PSG9: variants seen among roughly 807,000 people sequenced by gnomAD.
PSG9 encodes pregnancy specific beta-1-glycoprotein 9.
PSG9 carries 49 observed loss-of-function variants against 41.9 expected under a neutral mutation model. That is an observed-to-expected ratio of 1.17 (90% confidence interval 0.93 to 1.48). The LOEUF (loss-of-function observed/expected upper bound fraction) is 1.48, where lower values mean the gene tolerates loss of function less well. Ranked by LOEUF, PSG9 falls within the 40% of genes most tolerant of loss-of-function variation. The probability of loss-of-function intolerance (pLI) is 0.00; values close to 1 mark genes in which losing one functional copy is unlikely to be tolerated. For missense variants in PSG9, 641 were observed against 520.3 expected (o/e 1.23, Z -2.26); for synonymous variants, 263 against 196.8 (o/e 1.34, Z -2.82).
chr19:43,265,511 G>C (rs574379124), intron 2 of PSG9, among the ~76,000 whole-genome samples: 9 of 151,952 alleles, frequency 5.9e-5, no homozygotes, highest in African/African-American at 4.8e-5. Context: ...TTTCCCTCCG[G>C]CCGCATGATT....
intron 5 of PSG9, among the ~76,000 whole-genome samples, chr19:43,255,751 T>C (rs1968423501): frequency 6.8e-6 from 1 of 146,836 alleles, no homozygotes; most frequent in Admixed American, 6.8e-5. Flanking sequence ...AATTTCAATT[T>C]ATATTAACAT....
rs1599815361 is a variant in PSG9 at position 43,256,194 on chromosome 19, A to G, written c.1243+2008T>C. On this transcript the variant is annotated intron_variant, in intron 5 of 5. Transcript: ENST00000270077. The stretch of plus-strand genomic sequence containing the variant: ...TTGGAACCTTTACCTAACACCATGT[A>G]CAAAAATTAACCCACAATAGATCAA... 1.4e-5 allele frequency among the ~76,000 whole-genome samples: 2 copies of G among 146,698 alleles called. 1 individual carries two copies. Among genetic ancestry groups the G allele is most frequent in the Admixed American group, 1.4e-4 (2 of 14,754 alleles).
intron 1 of PSG9, among the ~76,000 whole-genome samples, chr19:43,268,744 T>G (rs1308180337): frequency 6.6e-6 from 1 of 152,178 alleles, no homozygotes; most frequent in Non-Finnish European, 1.5e-5. Flanking sequence ...CTGGGTGTTT[T>G]TTTTTCCCCC....
chr19:43,263,771 G>A (rs973751869), intron 2 of PSG9, among the ~76,000 whole-genome samples: 3 of 152,074 alleles, frequency 2.0e-5, no homozygotes, highest in African/African-American at 7.2e-5. Flanking sequence ...AGATGCCAAA[G>A]GTGATTGGAA....
In PSG9 at chr19:43,257,530, C is replaced by T. The variant is rs549010907; in HGVS notation, c.1243+672G>A. Reference sequence around the variant, plus strand: ...ACAGCTGGTGACTTCAGAGCCAGGACGCAGCTCAGGAGTCTGCCCTGAGGC... The same window carrying T: ...ACAGCTGGTGACTTCAGAGCCAGGATGCAGCTCAGGAGTCTGCCCTGAGGC... On this transcript the variant is annotated intron_variant, in intron 5 of 5. Transcript: ENST00000270077. 2.8e-5 allele frequency: 27 copies of T among 978,648 alleles called. 6 individuals are homozygous for T. The East Asian group carries it at 9.5e-4, about 34-fold the overall frequency. The allele number at this position is 978,648 out of a possible 1,614,324, so 60.6% of individuals were successfully genotyped here.
intron 3 of PSG9, chr19:43,260,671 T>G (rs1416251085): frequency 2.6e-5 from 4 of 151,046 alleles, no homozygotes; most frequent in Non-Finnish European, 5.9e-5. Flanking sequence ...TCAGTGTTTG[T>G]GTTGTGGCAG....
At position 43,258,356 on chromosome 19, in the gene PSG9, C is replaced by A; in HGVS notation, c.1089G>T (p.Glu363Asp). 6.3e-7 allele frequency: 1 copy of A among 1,593,020 alleles called. No homozygotes were observed. ...SCFTESNPPA[E>D]YFWTINGKFQ... Reference sequence around the variant, plus strand: ...ACTTCCCATTAATTGTCCAAAAATACTCTGCCGGTGGGTTAGATTCCGTGA... The same window carrying A: ...ACTTCCCATTAATTGTCCAAAAATAATCTGCCGGTGGGTTAGATTCCGTGA... The change falls in exon 5 of 6, where the codon GAG becomes GAT. Residue 363 changes from glutamate (E) to aspartate (D), a missense_variant. Physicochemically the swap from Glu to Asp is conservative, Grantham distance 45. Transcript: ENST00000270077.
In PSG9 at chr19:43,255,399, C is replaced by T. The variant is rs1429648671; in HGVS notation, c.1244-1753G>A. 2.0e-5 allele frequency among the ~76,000 whole-genome samples: 3 copies of T among 146,412 alleles called. 1 individual carries two copies. The highest frequency in any genetic ancestry group is 4.7e-4 in the East Asian group (2 of 4,222). On this transcript the variant is annotated intron_variant, in intron 5 of 5. Transcript: ENST00000270077. ...CAATATGTGAAAAACCCAATGCTAG[C>T]ATCATACTCAATGGAGAAAGACTGA... is the stretch of plus-strand genomic sequence containing the variant.
chr19:43,258,867 T>C lies in PSG9; in HGVS notation c.978A>G (p.Leu326=), dbSNP rs1135906. 38,942 of 1,526,210 alleles carry C rather than the reference T, an allele frequency of 0.026. 5,491 individuals carry two copies. The highest frequency in any genetic ancestry group is 0.065 in the East Asian group (2,408 of 37,298). The allele number at this position is 1,526,210 out of a possible 1,614,324, so 94.5% of individuals were successfully genotyped here. The change falls in exon 4 of 6, where the codon CTA becomes CTG. Residue 326 remains leucine (L), a synonymous_variant. Transcript: ENST00000270077. The part of the protein sequence containing the change: ...YGGLRSNPVI[L]NVLYGPDLPR... Reference sequence around the variant, plus strand: ...ACAAAAGATACTCACAGAGGACATTTAGGATGACTGGGTTACTGCGGAGGC... The same window carrying C: ...ACAAAAGATACTCACAGAGGACATTCAGGATGACTGGGTTACTGCGGAGGC...
chr19:43,263,292 G>C (rs138171218), intron 2 of PSG9, among the ~76,000 whole-genome samples: 1 of 152,242 alleles, frequency 6.6e-6, no homozygotes, highest in Non-Finnish European at 1.5e-5. Context: ...AGTTCATACA[G>C]ATAAAGTGCT....
At chr19:43,266,065 G>C (rs1213415940) in intron 2 of PSG9, among the ~76,000 whole-genome samples, 1 of 151,790 alleles carries the variant, frequency 6.6e-6, no homozygotes, top group Non-Finnish European at 1.5e-5. Flanking sequence ...TTGCCAGTCA[G>C]AATGAAGTGG....
chr19:43,261,069 G>A (rs1214438229), intron 3 of PSG9, among the ~76,000 whole-genome samples: 1 of 152,076 alleles, frequency 6.6e-6, no homozygotes, highest in Non-Finnish European at 1.5e-5. Context: ...AAAGCTGGTG[G>A]TTTTGGAGCA....
rs551186341 is a variant in PSG9, at chr19:43,253,286, G to A, written c.*323C>T. 1.5e-3 allele frequency: 294 copies of A among 196,328 alleles called. 18 individuals are homozygous for A. The highest frequency in any genetic ancestry group is 2.1e-3 in the Non-Finnish European group (213 of 100,088). The allele number at this position is 196,328 out of a possible 1,614,324, so 12.2% of individuals were successfully genotyped here. A position where few individuals can be genotyped will look rare whatever the true frequency, so the allele number is the denominator to read the frequency against. On this transcript the variant is annotated 3_prime_UTR_variant, in exon 6 of 6. Transcript: ENST00000270077. ...TGTTATAAAGAGAGCAGATTCTTAC[G>A]GAACATGTGCAAATAACTTTATTAC...
Position 43,258,862 on chromosome 19 carries a change from A to G in PSG9, c.983T>C (p.Val328Ala). The change falls in exon 4 of 6, where the codon GTC becomes GCC. Residue 328 changes from valine to alanine, a missense_variant. Transcript: ENST00000270077. ...GLRSNPVILN[V>A]LYGPDLPRIY... The stretch of plus-strand genomic sequence containing the variant: ...GAGGAACAAAAGATACTCACAGAGG[A>G]CATTTAGGATGACTGGGTTACTGCG... The G allele has an allele frequency of 1.3e-6, 2 of 1,585,304 alleles. No individual in the cohort carries two copies. The highest frequency in any genetic ancestry group is 1.7e-6 in the Non-Finnish European group (2 of 1,170,980).
chr19:43,263,946 A>T (rs1968846307), intron 2 of PSG9, among the ~76,000 whole-genome samples: 1 of 152,168 alleles, frequency 6.6e-6, no homozygotes, highest in African/African-American at 2.4e-5. Context: ...AGAATTAGGA[A>T]AAATGGGGAG....
chr19:43,260,748 G>A (rs1968673864), intron 3 of PSG9: 1 of 151,998 alleles, frequency 6.6e-6, no homozygotes, highest in Admixed American at 6.6e-5. Flanking sequence ...AAATGTTACT[G>A]GGATTCTGGT....
intron 5 of PSG9, among the ~76,000 whole-genome samples, chr19:43,256,570 C>T (rs1040708766): frequency 6.8e-6 from 1 of 146,142 alleles, no homozygotes; most frequent in African/African-American, 2.6e-5. Flanking sequence ...TACAAATATC[C>T]AATAAGCCCA....
In PSG9 at chr19:43,266,612, C is replaced by G. The variant is rs892291575; in HGVS notation, c.430+1172G>C. ...CCTGGACATATTTTTTGCACTGACT[C>G]TGATGGTTGAGGCAGGTGATTTAGT... On this transcript the variant is annotated intron_variant, in intron 2 of 5. Coordinates refer to ENST00000270077, the MANE Select transcript of PSG9 (RefSeq NM_002784.5). Among the ~76,000 whole-genome samples the G allele has an allele frequency of 2.6e-5, 4 of 152,086 alleles. No individual in the cohort carries two copies. In the East Asian group the frequency reaches 7.7e-4, roughly 29 times the overall value.
At chr19:43,266,181 G>T (rs754942927) in intron 2 of PSG9, among the ~76,000 whole-genome samples, 30 of 152,044 alleles carry the variant, frequency 2.0e-4, no homozygotes, top group African/African-American at 4.3e-4. Flanking sequence ...GGTGCCCCCA[G>T]TTCCACAGTC....
Sources: gnomAD v4.1 joint callset for allele counts (sites outside exome capture counted in the v4.1 genomes callset) on GRCh38, gnomAD v4.1.1 for gene constraint, MANE v1.5 for transcripts, NCBI Gene and HGNC (gene_info 2026-07-23, HGNC 2026-07-21) for gene names.